ZNF418: variants seen among roughly 807,000 people sequenced by gnomAD.
ZNF418 encodes zinc finger protein 418.
A neutral mutation model predicts 32.0 loss-of-function variants in ZNF418; 32 were observed. The ratio of observed to expected loss-of-function variants is 1.00; its 90% CI spans 0.75 to 1.34. The LOEUF is 1.34. Among genes scored for constraint, ZNF418 ranks in the 40% most tolerant of loss-of-function variants. The pLI is 0.00. For synonymous variants in ZNF418, 276 were observed against 270.7 expected (o/e 1.02, Z -0.19); for missense variants, 804 against 812.5 (o/e 0.99, Z 0.13).
In ZNF418 at chr19:57,927,387, T is replaced by G. The variant is rs755668598; in HGVS notation, c.794A>C (p.Lys265Thr). 10 of 1,614,208 alleles carry G rather than the reference T, an allele frequency of 6.2e-6. No individual in the cohort carries two copies. In the East Asian group the frequency reaches 2.0e-4, roughly 32 times the overall value. The part of the protein sequence containing the change: ...KRPYECGECG[K>T]SFSHKGSLVQ... Reference sequence around the variant, plus strand: ...AAGGCTGCCCTTATGACTAAAAGATTTCCCACATTCTCCACATTCATAAGG... The same window carrying G: ...AAGGCTGCCCTTATGACTAAAAGATGTCCCACATTCTCCACATTCATAAGG... The change falls in exon 4 of 6, where the codon AAA becomes ACA. Residue 265 changes from lysine to threonine, a missense_variant. Coordinates refer to ENST00000396147, the MANE Select transcript of ZNF418 (RefSeq NM_133460.3).
intron 1 of ZNF418, chr19:57,934,111 C>G: frequency 1.5e-6 from 2 of 1,375,328 alleles, no homozygotes; most frequent in Non-Finnish European, 1.9e-6. Context: ...CTCCAGTGTT[C>G]TCAGATCAAA....
In ZNF418 at chr19:57,933,763, A is replaced by T. The variant is rs896858003; in HGVS notation, c.6+54T>A. Reference sequence around the variant, plus strand: ...CTAGTTGCCATTTTACAAACTGTGAATCTTGAATCCAGCCACAGCTCCTTA... The same window carrying T: ...CTAGTTGCCATTTTACAAACTGTGATTCTTGAATCCAGCCACAGCTCCTTA... On this transcript the variant is annotated intron_variant, in intron 2 of 5. Transcript: ENST00000396147. 19 of 1,608,040 alleles carry T rather than the reference A, an allele frequency of 1.2e-5. No individual in the cohort carries two copies. In the East Asian group the frequency reaches 2.0e-4, roughly 17 times the overall value.
At chr19:57,930,859 CCTCTGCCTCCTGGGTTCAAGCAATT>C (rs957841022) in intron 2 of ZNF418, among the ~76,000 whole-genome samples, 8 of 152,174 alleles carry the variant, frequency 5.3e-5, no homozygotes, top group African/African-American at 1.9e-4. Flanking sequence ...CTCACTGCAA[CCTCTGCCTCCTGGGTTCAAGCAATT>C]CTCTGCCTCA....
chr19:57,934,914 G>T, intron 1 of ZNF418: 1 of 861,700 alleles, frequency 1.2e-6, no homozygotes, highest in African/African-American at 1.8e-5. Context: ...GTTCCCTACA[G>T]GCGCCTGTGG....
chr19:57,927,159 G>C lies in ZNF418; in HGVS notation c.1022C>G (p.Pro341Arg), dbSNP rs753749448. 1 of 1,613,900 alleles carries C rather than the reference G, an allele frequency of 6.2e-7. No homozygotes were observed. The highest frequency in any genetic ancestry group is 1.3e-5 in the African/African-American group (1 of 74,830). Residue 341 changes from proline to arginine, a missense_variant, in exon 4 of 6, where the codon CCT becomes CGT. Around this residue, in one of 3 missense-constraint regions of ZNF418, gnomAD observed 475 missense variants for 458.6 expected, o/e 1.04. Coordinates refer to ENST00000396147, the MANE Select transcript of ZNF418 (RefSeq NM_133460.3). Reference protein sequence around the residue: ...KHQRVHTGERPYECEECGKCF... With the variant: ...KHQRVHTGERRYECEECGKCF... ...TTTCCCACATTCTTCACACTCATAA[G>C]GTCTTTCTCCAGTGTGAACTCGTTG...
chr19:57,926,749 C>G lies in ZNF418; in HGVS notation c.1432G>C (p.Gly478Arg). 6.2e-7 allele frequency: 1 copy of G among 1,614,118 alleles called. No homozygotes were observed. The highest frequency in any genetic ancestry group is 8.5e-7 in the Non-Finnish European group (1 of 1,180,024). The change falls in exon 4 of 6, where the codon GGA becomes CGA. Residue 478 changes from glycine (G) to arginine (R), a missense_variant. Gly to Arg is a moderately radical substitution (Grantham distance 125). This residue lies in a region of ZNF418 where 475 missense variants were observed against 458.6 expected (regional missense o/e 1.04). Transcript: ENST00000396147. ...TCATTACATTCATATGGCCTTTCTC[C>G]AGTGTGAACTCTCTGGTGTTCAATG... Reference protein sequence around the residue: ...HLIEHQRVHTGERPYECNECG... With the variant: ...HLIEHQRVHTRERPYECNECG...
intron 2 of ZNF418, chr19:57,932,507 C>T (rs2072525962): frequency 1.3e-6 from 2 of 1,535,330 alleles, no homozygotes; most frequent in Non-Finnish European, 1.7e-6. Flanking sequence ...GCTCCACATC[C>T]CCACAGAACC....
intron 2 of ZNF418, among the ~76,000 whole-genome samples, chr19:57,931,671 A>T (rs931598197): frequency 6.6e-6 from 1 of 152,204 alleles, no homozygotes; most frequent in Non-Finnish European, 1.5e-5. Flanking sequence ...ATCATGGCTC[A>T]TGGAAAGTTC....
At position 57,927,856 on chromosome 19, in the gene ZNF418, G is replaced by A. The variant is rs375536083; in HGVS notation, c.325C>T (p.Leu109=). 1.2e-5 allele frequency: 19 copies of A among 1,613,904 alleles called. No homozygotes were observed. The African/African-American group carries it at 2.5e-4, about 22-fold the overall frequency. Residue 109 remains leucine, a synonymous_variant, in exon 4 of 6, where the codon CTG becomes TTG. Transcript: ENST00000396147. The part of the protein sequence containing the change: ...DHQGTHHKQK[L]HRCEAWGNKL... ...TTCCCCCATGCCTCACACCTGTGCAGTTTCTGCTTGTGATGTGTCCCCTGA... is the reference window on the plus strand; with the variant it reads ...TTCCCCCATGCCTCACACCTGTGCAATTTCTGCTTGTGATGTGTCCCCTGA...
chr19:57,935,259 C>T lies in ZNF418; in HGVS notation c.-179G>A. ...CCGTTACGGGGCCTAAGATCTGCCTCTGTGCAGCAAGAAGGACTCTTCACC... is the reference window on the plus strand; with the variant it reads ...CCGTTACGGGGCCTAAGATCTGCCTTTGTGCAGCAAGAAGGACTCTTCACC... On this transcript the variant is annotated 5_prime_UTR_variant, in exon 1 of 6. Transcript: ENST00000396147. 8.4e-7 allele frequency: 1 copy of T among 1,187,582 alleles called. No homozygotes were observed. The highest frequency in any genetic ancestry group is 1.1e-6 in the Non-Finnish European group (1 of 943,312). The allele number at this position is 1,187,582 out of a possible 1,614,324, so 73.6% of individuals were successfully genotyped here.
intron 2 of ZNF418, chr19:57,932,546 A>G (rs2072527896): frequency 3.9e-6 from 6 of 1,535,102 alleles, no homozygotes; most frequent in East Asian, 2.4e-5. Context: ...CCATGGCCCT[A>G]TTCCACTTCT....
chr19:57,932,358 C>T lies in ZNF418; in HGVS notation c.6+1459G>A, dbSNP rs909281636. ...GCACATCACATTGGCCTTTCATTTT[C>T]GGCCTTATGCCACAATGTGGCTGAC... On this transcript the variant is annotated intron_variant, in intron 2 of 5. Coordinates refer to ENST00000396147, the MANE Select transcript of ZNF418 (RefSeq NM_133460.3). The T allele has an allele frequency of 7.7e-6, 11 of 1,432,374 alleles. No individual in the cohort carries two copies. In the East Asian group the frequency reaches 1.2e-4, roughly 16 times the overall value. 88.7% of individuals were successfully genotyped at this position (1,432,374 alleles called of 1,614,324 possible). A position where few individuals can be genotyped will look rare whatever the true frequency, so the allele number is the denominator to read the frequency against.
intron 2 of ZNF418, among the ~76,000 whole-genome samples, chr19:57,930,916 A>G (rs2072459555): frequency 6.6e-6 from 1 of 152,024 alleles, no homozygotes. Context: ...AGCTGGGATT[A>G]CAGGCACCCA....
rs2072290204 is a variant in ZNF418, at chr19:57,927,466, A to G, written c.715T>C (p.Phe239Leu). 4 of 1,614,250 alleles carry G rather than the reference A, an allele frequency of 2.5e-6. No individual in the cohort carries two copies. The highest frequency in any genetic ancestry group is 3.4e-6 in the Non-Finnish European group (4 of 1,180,058). ...ECYCWECGKSFSKYDSVSNHQ... is the reference protein window; with the variant it reads ...ECYCWECGKSLSKYDSVSNHQ... Reference sequence around the variant, plus strand: ...TTACTGACGCTATCATATTTGCTAAAGGATTTCCCACATTCCCAGCAATAA... The same window carrying G: ...TTACTGACGCTATCATATTTGCTAAGGGATTTCCCACATTCCCAGCAATAA... Residue 239 changes from phenylalanine to leucine, a missense_variant, in exon 4 of 6, where the codon TTT becomes CTT. Physicochemically the swap from Phe to Leu is conservative, Grantham distance 22 (BLOSUM62 0). Around this residue, in one of 3 missense-constraint regions of ZNF418, gnomAD observed 307 missense variants for 304.9 expected, o/e 1.01. Coordinates refer to ENST00000396147, the MANE Select transcript of ZNF418 (RefSeq NM_133460.3).
rs762093794 is a variant in ZNF418 at position 57,926,398 on chromosome 19, C to T, written c.1783G>A (p.Glu595Lys). The T allele has an allele frequency of 3.1e-6, 5 of 1,613,180 alleles. No individual in the cohort carries two copies. In the South Asian group the frequency reaches 5.5e-5, roughly 18 times the overall value. ...CTTCGAGTAAATGTTTTTCCACATT[C>T]CCTGCATTCATAAGGCCTTTCTCCA... ...HTGERPYECR[E>K]CGKTFTRRSA... Residue 595 changes from glutamate (E) to lysine (K), a missense_variant, in exon 4 of 6, where the codon GAA becomes AAA. This residue lies in a region of ZNF418 where 475 missense variants were observed against 458.6 expected (regional missense o/e 1.04). Coordinates refer to ENST00000396147, the MANE Select transcript of ZNF418 (RefSeq NM_133460.3).
intron 1 of ZNF418, among the ~76,000 whole-genome samples, chr19:57,934,559 G>A (rs2072617690): frequency 6.6e-6 from 1 of 152,182 alleles, no homozygotes; most frequent in Non-Finnish European, 1.5e-5. Flanking sequence ...AGGAGTGTCT[G>A]AGGGGAAAGC....
intron 3 of ZNF418, among the ~76,000 whole-genome samples, chr19:57,929,012 C>A (rs200706458): frequency 6.7e-5 from 1 of 14,952 alleles, no homozygotes; most frequent in Non-Finnish European, 1.1e-4. Context: ...AAACAAAAAC[C>A]AAAAACAAAA....
chr19:57,925,864 T>C lies in ZNF418; in HGVS notation c.*286A>G, dbSNP rs927499389. On this transcript the variant is annotated 3_prime_UTR_variant, in exon 4 of 6. Transcript: ENST00000396147. ...AGGCAGATGGCTCCGTCATAAGGCA[T>C]CTCCTCCAGTGTTATGTTTTACAAG... 2.3e-5 allele frequency: 8 copies of C among 345,748 alleles called. No homozygotes were observed. Among genetic ancestry groups the C allele is most frequent in the African/African-American group, 1.6e-4 (8 of 48,694 alleles). 21.4% of individuals were successfully genotyped at this position (345,748 alleles called of 1,614,324 possible).
chr19:57,929,565 G>T (rs946465193), intron 3 of ZNF418, among the ~76,000 whole-genome samples: 1 of 152,230 alleles, frequency 6.6e-6, no homozygotes, highest in Non-Finnish European at 1.5e-5. Context: ...GGTCACAAAG[G>T]CCACATCACT....
Sources: gnomAD v4.1 joint callset for allele counts (sites outside exome capture counted in the v4.1 genomes callset) on GRCh38, gnomAD v4.1.1 for gene constraint, gnomAD v4.1.1 regional missense constraint, MANE v1.5 for transcripts, NCBI Gene and HGNC (gene_info 2026-07-23, HGNC 2026-07-21) for gene names.